The following ACYP2 variants were observed in gnomAD, a reference collection of about 807,000 sequenced individuals.
ACYP2 encodes the protein acylphosphatase 2, also known as acylphosphatase-2.
ACYP2 carries 12 observed loss-of-function variants against 11.2 expected under a neutral mutation model. The ratio of observed to expected loss-of-function variants is 1.08; its 90% CI spans 0.69 to 1.74. The LOEUF is 1.74. Among genes scored for constraint, ACYP2 ranks in the 40% most tolerant of loss-of-function variants. ACYP2 has a pLI of 0.00. For missense variants in ACYP2, 134 were observed against 101.9 expected (o/e 1.31, Z -1.35); for synonymous variants, 43 against 32.2 (o/e 1.33, Z -1.13).
chr2:54,262,811 A>G (rs572773053), intron 6 of ACYP2, among the ~76,000 whole-genome samples: 16 of 152,100 alleles, frequency 1.1e-4, no homozygotes, highest in Non-Finnish European at 1.3e-4. Context: ...TCTTTAATTT[A>G]TCCTGTTTGA....
intron 4 of ACYP2, among the ~76,000 whole-genome samples, chr2:54,084,075 T>C (rs1677813279): frequency 1.3e-5 from 2 of 152,222 alleles, no homozygotes. Flanking sequence ...TTTATTTTTT[T>C]CCCAGAGTAT....
chr2:54,161,515 A>G (rs372012831), intron 6 of ACYP2, among the ~76,000 whole-genome samples: 6 of 152,074 alleles, frequency 3.9e-5, no homozygotes, highest in Admixed American at 6.5e-5. Flanking sequence ...ATCTCCATGA[A>G]TGCCTTAAAC....
intron 6 of ACYP2, among the ~76,000 whole-genome samples, chr2:54,230,829 C>CTTTTTTTT (rs34359444): frequency 7.7e-6 from 1 of 129,420 alleles, no homozygotes; most frequent in African/African-American, 2.9e-5. Context: ...TCTTTCTTTT[C>CTTTTTTTT]TTTTTTTTTT....
chr2:54,179,713 G>A (rs1683624205), intron 6 of ACYP2, among the ~76,000 whole-genome samples: 2 of 152,114 alleles, frequency 1.3e-5, no homozygotes, highest in Admixed American at 1.3e-4. Flanking sequence ...TCTTGGTTTT[G>A]GTGGGTTTTG....
At chr2:54,273,390 T>C (rs894400200) in intron 6 of ACYP2, among the ~76,000 whole-genome samples, 2 of 152,250 alleles carry the variant, frequency 1.3e-5, no homozygotes, top group Non-Finnish European at 2.9e-5. Context: ...CTAGAAGGCA[T>C]AGAATCTGTA....
chr2:53,994,329 C>CAAAAAAAAAA (rs374302355), intron 2 of ACYP2, among the ~76,000 whole-genome samples: 15 of 42,878 alleles, frequency 3.5e-4, no homozygotes, highest in Admixed American at 7.9e-4. Context: ...GACTCCGTCT[C>CAAAAAAAAAA]AAAAAAAAAA....
intron 6 of ACYP2, among the ~76,000 whole-genome samples, chr2:54,162,159 G>A (rs1292558728): frequency 6.6e-6 from 1 of 152,120 alleles, no homozygotes; most frequent in East Asian, 1.9e-4. Flanking sequence ...AATGGGATAA[G>A]TTTCCCATGT....
intron 6 of ACYP2, among the ~76,000 whole-genome samples, chr2:54,238,008 T>G (rs1686569522): frequency 6.6e-6 from 1 of 152,170 alleles, no homozygotes; most frequent in Non-Finnish European, 1.5e-5. Context: ...CTCCTAGATT[T>G]TTAAAAATAT....
intron 2 of ACYP2, among the ~76,000 whole-genome samples, chr2:54,027,837 C>CTTTT (rs34122179): frequency 4.9e-3 from 475 of 97,774 alleles, no homozygotes; most frequent in Non-Finnish European, 5.9e-3. Context: ...TTCTTTCTTT[C>CTTTT]TTTTTTTTTT....
chr2:54,172,650 A>C (rs1001949586), intron 6 of ACYP2, among the ~76,000 whole-genome samples: 22 of 152,128 alleles, frequency 1.4e-4, no homozygotes, highest in South Asian at 1.0e-3. Context: ...CATGAGCACA[A>C]TGTGCAGGTT....
intron 4 of ACYP2, among the ~76,000 whole-genome samples, chr2:54,057,877 G>C (rs1170735480): frequency 1.3e-5 from 2 of 152,168 alleles, no homozygotes; most frequent in Non-Finnish European, 2.9e-5. Flanking sequence ...CAGAGGAAGA[G>C]AGGCTTTTGA....
intron 2 of ACYP2, among the ~76,000 whole-genome samples, chr2:53,978,146 C>T (rs191229694): frequency 1.1e-4 from 17 of 151,512 alleles, no homozygotes; most frequent in African/African-American, 3.4e-4. Flanking sequence ...CCTGTAATCC[C>T]AACTATTTTG....
At chr2:53,990,652 CA>C (rs80058534) in intron 2 of ACYP2, among the ~76,000 whole-genome samples, 2,652 of 49,522 alleles carry the variant, frequency 0.054, 59 homozygotes, top group African/African-American at 0.16. Flanking sequence ...TCCGTCTTAC[CA>C]AAAAAAAAAA....
intron 2 of ACYP2, among the ~76,000 whole-genome samples, chr2:54,044,446 G>GAA (rs35003111): frequency 4.3e-5 from 6 of 139,466 alleles, no homozygotes; most frequent in African/African-American, 1.6e-4. Flanking sequence ...AATACCAAAA[G>GAA]AAAAAAAAAA....
intron 4 of ACYP2, among the ~76,000 whole-genome samples, chr2:54,087,837 A>G (rs1379312559): frequency 6.6e-6 from 1 of 152,236 alleles, no homozygotes; most frequent in African/African-American, 2.4e-5. Context: ...TAGATGTAAG[A>G]TGCTAGAGAC....
intron 6 of ACYP2, among the ~76,000 whole-genome samples, chr2:54,170,552 T>G (rs1189776437): frequency 7.0e-6 from 1 of 142,772 alleles, no homozygotes; most frequent in African/African-American, 2.7e-5. Context: ...TTGCAGAAAT[T>G]TTTCTTAAAA....
intron 6 of ACYP2, among the ~76,000 whole-genome samples, chr2:54,213,985 C>G (rs974298001): frequency 6.6e-6 from 1 of 151,966 alleles, no homozygotes; most frequent in Non-Finnish European, 1.5e-5. Context: ...GTCTTGAACT[C>G]CTGGACTCAA....
rs535119396 is a variant in ACYP2, at chr2:54,124,736, T to C, written c.278-10717T>C. ...ATTTGTTTGAAACAGAGTCTTGCTC[T>C]GTCACCCAGGCTAGAGTGCAGCAGT... On this transcript the variant is annotated intron_variant, in intron 4 of 6. Transcript: ENST00000607452. Among the ~76,000 whole-genome samples the C allele has an allele frequency of 9.3e-4, 142 of 152,338 alleles. 1 individual carries two copies. Among genetic ancestry groups the C allele is most frequent in the South Asian group, 2.7e-3 (13 of 4,826 alleles).
chr2:54,218,320 G>A (rs1685643242), intron 6 of ACYP2, among the ~76,000 whole-genome samples: 1 of 152,012 alleles, frequency 6.6e-6, no homozygotes, highest in African/African-American at 2.4e-5. Flanking sequence ...ATCCTTGTTG[G>A]TCCCTCTGCT....
Sources: allele counts gnomAD v4.1 joint callset (sites outside exome capture counted in the v4.1 genomes callset), GRCh38; gene constraint gnomAD v4.1.1; transcripts MANE v1.5; gene names NCBI Gene and HGNC (gene_info 2026-07-23, HGNC 2026-07-21).